UBA2: variants seen among roughly 807,000 people sequenced by gnomAD.
UBA2 encodes SUMO-activating enzyme subunit 2.
A neutral mutation model predicts 77.2 loss-of-function variants in UBA2; 11 were observed. The observed-to-expected ratio is 0.14, with a 90% CI of 0.09 to 0.24. UBA2 has a LOEUF of 0.24. Among genes scored for constraint, UBA2 ranks in the 10% least tolerant of loss-of-function variants. The pLI, the probability that UBA2 is intolerant of heterozygous loss-of-function variation, is 1.00. For missense variants in UBA2, 487 were observed against 781.7 expected (o/e 0.62, Z 4.50); for synonymous variants, 278 against 276.7 (o/e 1.00, Z -0.05).
At chr19:34,439,045 T>C (rs979040859) in intron 6 of UBA2, among the ~76,000 whole-genome samples, 3 of 151,970 alleles carry the variant, frequency 2.0e-5, no homozygotes, top group Admixed American at 1.3e-4. Flanking sequence ...ACATCTCTAC[T>C]AAAAATACAA....
At chr19:34,462,682 T>G (rs991439925) in intron 14 of UBA2, among the ~76,000 whole-genome samples, 40 of 151,976 alleles carry the variant, frequency 2.6e-4, no homozygotes, top group Non-Finnish European at 5.1e-4. Context: ...TATAGAAAAT[T>G]GGGCTTGGTG....
chr19:34,428,613 G>C (rs2075213734), intron 1 of UBA2, 43 bp downstream of exon 1: 4 of 1,297,532 alleles, frequency 3.1e-6, no homozygotes, highest in Admixed American at 3.2e-5. Context: ...GCTGTGGTGC[G>C]GGGGCTGGGA....
intron 15 of UBA2, among the ~76,000 whole-genome samples, chr19:34,466,304 C>G (rs192564302): frequency 6.6e-6 from 1 of 152,156 alleles, no homozygotes; most frequent in African/African-American, 2.4e-5. Context: ...CTACTGCACT[C>G]TAGCCTGGGT....
intron 6 of UBA2, among the ~76,000 whole-genome samples, chr19:34,439,384 A>G (rs557152149): frequency 2.6e-5 from 4 of 152,366 alleles, no homozygotes; most frequent in East Asian, 1.9e-4. Flanking sequence ...CTGTACTGAT[A>G]ATGATGAAAA....
At chr19:34,445,866 A>G (rs779367603) in intron 8 of UBA2, among the ~76,000 whole-genome samples, 6 of 151,926 alleles carry the variant, frequency 3.9e-5, no homozygotes, top group Non-Finnish European at 7.4e-5. Flanking sequence ...AGTATATACT[A>G]TTTGCCTGTT....
At position 34,431,842 on chromosome 19, in the gene UBA2, G is replaced by C. The variant is rs534634334; in HGVS notation, c.223-19G>C. 2 of 1,608,112 alleles carry C rather than the reference G, an allele frequency of 1.2e-6. No homozygotes were observed. The highest frequency in any genetic ancestry group is 2.2e-5 in the South Asian group (2 of 90,950). On this transcript the variant is annotated intron_variant, in intron 2 of 16. Coordinates refer to ENST00000246548, the MANE Select transcript of UBA2 (RefSeq NM_005499.3). ...GGAACAGAAATATTGTAGTAATTCA[G>C]TGTTGTTTATTTTTCCAGGTTGCCA...
At chr19:34,438,797 C>CGGAAA in intron 6 of UBA2, 31 bp downstream of exon 6, 1 of 1,610,576 alleles carries the variant, frequency 6.2e-7, no homozygotes, top group Non-Finnish European at 8.5e-7. Flanking sequence ...GCATGCTTTT[C>CGGAAA]GGTACTGATG....
intron 14 of UBA2, 66 bp from the exon 15 acceptor site, chr19:34,463,960 T>TA: frequency 8.2e-7 from 1 of 1,222,896 alleles, no homozygotes; most frequent in South Asian, 1.2e-5. Flanking sequence ...TTTAGCTTTT[T>TA]AAAAAATCAA....
intron 1 of UBA2, chr19:34,428,805 G>A: frequency 8.6e-7 from 1 of 1,156,638 alleles, no homozygotes. Flanking sequence ...GGAGGCCGCG[G>A]GCCCCCGCCT....
rs184393737 is a variant in UBA2 at position 34,468,611 on chromosome 19, A to G, written c.1742-429A>G. Among the ~76,000 whole-genome samples the G allele has an allele frequency of 3.3e-5, 5 of 152,250 alleles. No individual in the cohort carries two copies. The East Asian group carries it at 9.7e-4, about 29-fold the overall frequency. On this transcript the variant is annotated intron_variant, in intron 16 of 16. Coordinates refer to ENST00000246548, the MANE Select transcript of UBA2 (RefSeq NM_005499.3). Reference sequence around the variant, plus strand: ...GAGTTTCCTTTCCTGGAAAGCAGATACTCATGTGATCTTCTTTATAGGGTT... The same window carrying G: ...GAGTTTCCTTTCCTGGAAAGCAGATGCTCATGTGATCTTCTTTATAGGGTT...
chr19:34,464,751 T>C (rs2075670008), intron 15 of UBA2, among the ~76,000 whole-genome samples: 2 of 152,134 alleles, frequency 1.3e-5, no homozygotes, highest in South Asian at 4.1e-4. Flanking sequence ...TAGAAAAAAA[T>C]ATTTCTTCCA....
At chr19:34,463,194 G>C (rs537559139) in intron 14 of UBA2, among the ~76,000 whole-genome samples, 15 of 152,220 alleles carry the variant, frequency 9.9e-5, no homozygotes, top group Admixed American at 3.3e-4. Context: ...GCTCAAGTCT[G>C]GGATGCACTC....
intron 15 of UBA2, among the ~76,000 whole-genome samples, chr19:34,464,414 C>T (rs1293712978): frequency 2.0e-5 from 3 of 151,814 alleles, no homozygotes; most frequent in Non-Finnish European, 2.9e-5. Flanking sequence ...AAAAATTAGC[C>T]GGGCATAGTG....
intron 15 of UBA2, among the ~76,000 whole-genome samples, chr19:34,465,129 C>T (rs2075673922): frequency 1.3e-5 from 2 of 152,074 alleles, no homozygotes; most frequent in Non-Finnish European, 2.9e-5. Flanking sequence ...CATGTGTTGA[C>T]CAGGGTGCAT....
chr19:34,452,188 AGT>A (rs1478482580), intron 10 of UBA2, 41 bp downstream of exon 10: 4 of 1,470,458 alleles, frequency 2.7e-6, no homozygotes, highest in African/African-American at 1.4e-5. Context: ...ACATGTCAAA[AGT>A]GTGTTTTAGT....
chr19:34,432,335 G>C (rs1271899596), intron 3 of UBA2, among the ~76,000 whole-genome samples: 1 of 152,126 alleles, frequency 6.6e-6, no homozygotes, highest in African/African-American at 2.4e-5. Context: ...ACTTGGAATT[G>C]TGGTAGGGCA....
chr19:34,449,225 A>G (rs1332656572), intron 8 of UBA2, among the ~76,000 whole-genome samples: 1 of 151,868 alleles, frequency 6.6e-6, no homozygotes, highest in Non-Finnish European at 1.5e-5. Flanking sequence ...ACGCGCCACG[A>G]CGCCCAGCTG....
Position 34,443,824 on chromosome 19 carries a change from T to G in UBA2, c.582-20T>G, listed in dbSNP as rs140017325. 1,774 of 1,466,286 alleles carry G rather than the reference T, an allele frequency of 1.2e-3. 2 individuals carry two copies. The highest frequency in any genetic ancestry group is 1.5e-3 in the Non-Finnish European group (1,548 of 1,045,462). The allele number at this position is 1,466,286 out of a possible 1,614,324, so 90.8% of individuals were successfully genotyped here. A position where few individuals can be genotyped will look rare whatever the true frequency, so the allele number is the denominator to read the frequency against. Reference sequence around the variant, plus strand: ...AGAATGCTTTGTTATACAGAAGTATTTACTATTCTTAAATTATAGCCAGTT... The same window carrying G: ...AGAATGCTTTGTTATACAGAAGTATGTACTATTCTTAAATTATAGCCAGTT... On this transcript the variant is annotated intron_variant, in intron 6 of 16. Transcript: ENST00000246548.
intron 5 of UBA2, among the ~76,000 whole-genome samples, chr19:34,435,528 A>T (rs1291037341): frequency 1.3e-5 from 2 of 152,002 alleles, no homozygotes; most frequent in Non-Finnish European, 2.9e-5. Flanking sequence ...TATACCAGGC[A>T]TCAAAAATTT....
Sources: gnomAD v4.1 joint callset for allele counts (sites outside exome capture counted in the v4.1 genomes callset) on GRCh38, gnomAD v4.1.1 for gene constraint, MANE v1.5 for transcripts, NCBI Gene and HGNC (gene_info 2026-07-23, HGNC 2026-07-21) for gene names.